Variants in ANO2 observed in about 807,000 individuals in gnomAD.
ANO2 encodes anoctamin-2.
Under a neutral mutation model 124.2 loss-of-function variants are expected in ANO2, and 101 were observed. The ratio of observed to expected loss-of-function variants is 0.81; its 90% CI spans 0.69 to 0.96. The LOEUF is 0.96. Among genes scored for constraint, ANO2 ranks in the 40% least tolerant of loss-of-function variants. The probability of loss-of-function intolerance (pLI) is 0.00; values close to 1 mark genes in which losing one functional copy is unlikely to be tolerated. For synonymous variants in ANO2, 486 were observed against 482.5 expected (o/e 1.01, Z -0.09); for missense variants, 1,293 against 1,274.5 (o/e 1.01, Z -0.22).
chr12:5,653,236 C>G (rs371607), intron 14 of ANO2, among the ~76,000 whole-genome samples: 1 of 151,602 alleles, frequency 6.6e-6, no homozygotes, highest in Non-Finnish European at 1.5e-5. Context: ...ACTTCATTAT[C>G]ATCATCTGCC....
intron 14 of ANO2, among the ~76,000 whole-genome samples, chr12:5,692,382 TTAAG>T (rs950705560): frequency 1.3e-5 from 2 of 152,156 alleles, no homozygotes; most frequent in African/African-American, 4.8e-5. Flanking sequence ...TTGGATGAAC[TTAAG>T]TAAGATACTT....
chr12:5,739,170 T>C, intron 13 of ANO2, 147 bp downstream of exon 13: 1 of 797,362 alleles, frequency 1.3e-6, no homozygotes, highest in Non-Finnish European at 2.1e-6. Flanking sequence ...CCCAAGTCCA[T>C]GGAGCCAAGC....
At chr12:5,759,384 T>C (rs1217765240) in intron 10 of ANO2, among the ~76,000 whole-genome samples, 1 of 151,912 alleles carries the variant, frequency 6.6e-6, no homozygotes, top group African/African-American at 2.4e-5. Context: ...TGGCAGAAAC[T>C]ATGCAAGCCA....
intron 3 of ANO2, among the ~76,000 whole-genome samples, chr12:5,868,073 T>C (rs1436144371): frequency 1.3e-5 from 2 of 152,206 alleles, no homozygotes; most frequent in East Asian, 1.9e-4. Flanking sequence ...AATTGGATTG[T>C]TTGTTACACA....
intron 16 of ANO2, among the ~76,000 whole-genome samples, chr12:5,616,328 T>G (rs988235363): frequency 2.0e-5 from 3 of 152,202 alleles, no homozygotes; most frequent in African/African-American, 7.2e-5. Flanking sequence ...TGTCCTCTCA[T>G]GGTCAAGGGG....
chr12:5,858,626 AAGG>A (rs1415697538), intron 3 of ANO2: 1 of 152,224 alleles, frequency 6.6e-6, no homozygotes, highest in East Asian at 1.9e-4. Context: ...TTATCTGAAT[AAGG>A]AGGATGAGAA....
chr12:5,652,472 T>C (rs948133333), intron 14 of ANO2, among the ~76,000 whole-genome samples: 9 of 152,206 alleles, frequency 5.9e-5, no homozygotes, highest in Non-Finnish European at 1.3e-4. Flanking sequence ...TTTAATAATG[T>C]ACCATTTATA....
chr12:5,599,536 T>TAG lies in ANO2; in HGVS notation c.2179_2180dup (p.Asp728Ter), dbSNP rs1385397242. ...CTGTGTATGGTTCCAAGCTGTAGTC[T>TAG]AGGTCCCACTGCTCTGGATGTTTCG... On this transcript the variant is annotated frameshift_variant, in exon 20 of 25. Coordinates refer to ENST00000682330, the MANE Select transcript of ANO2 (RefSeq NM_001364791.2). LOFTEE classifies it high-confidence loss of function. 1.2e-6 allele frequency: 2 copies of TAG among 1,613,914 alleles called. No individual in the cohort carries two copies. Among genetic ancestry groups the TAG allele is most frequent in the Non-Finnish European group, 1.7e-6 (2 of 1,179,852 alleles).
At chr12:5,571,323 G>A (rs374900859) in intron 23 of ANO2, among the ~76,000 whole-genome samples, 10 of 152,192 alleles carry the variant, frequency 6.6e-5, no homozygotes, top group African/African-American at 2.2e-4. Flanking sequence ...GACTGTTTAC[G>A]GAGCAGCCCT....
Position 5,758,680 on chromosome 12 carries a change from T to C in ANO2, c.1056-7710A>G, listed in dbSNP as rs1228904048. On this transcript the variant is annotated intron_variant, in intron 10 of 24. Transcript: ENST00000682330. ...ATCTGAAGTTTGTAGTGCAGTGCAC[T>C]GAAGGTGACTCTTGCAACAACAAAA... 2.0e-5 allele frequency among the ~76,000 whole-genome samples: 3 copies of C among 152,294 alleles called. No individual in the cohort carries two copies. The East Asian group carries it at 5.8e-4, about 29-fold the overall frequency.
intron 14 of ANO2, among the ~76,000 whole-genome samples, chr12:5,730,415 A>G (rs1337341037): frequency 6.6e-6 from 1 of 152,248 alleles, no homozygotes; most frequent in Non-Finnish European, 1.5e-5. Flanking sequence ...TCTGGGCCTC[A>G]GTAAATGGTA....
At chr12:5,811,586 T>C (rs1482355537) in intron 7 of ANO2, among the ~76,000 whole-genome samples, 3 of 152,162 alleles carry the variant, frequency 2.0e-5, no homozygotes, top group Non-Finnish European at 4.4e-5. Flanking sequence ...TTTCTGTCCA[T>C]AAAAAAGCAA....
rs752088410 is a variant in ANO2, at chr12:5,769,723, C to A, written c.1056-18753G>T. Among the ~76,000 whole-genome samples the A allele has an allele frequency of 6.6e-6, 1 of 152,146 alleles. No individual in the cohort carries two copies. The highest frequency in any genetic ancestry group is 2.1e-4 in the South Asian group (1 of 4,828). On this transcript the variant is annotated intron_variant, in intron 10 of 24. Coordinates refer to ENST00000682330, the MANE Select transcript of ANO2 (RefSeq NM_001364791.2). The surrounding 1 kb of genome is among the most constrained non-coding windows in gnomAD (Gnocchi z 4.0). ...GTAAAATAAAATCGCTCCATTTCTG[C>A]GTGCACCCTTCATTCTAGGTACTCT... is the stretch of plus-strand genomic sequence containing the variant.
At chr12:5,939,862 A>G (rs762607384) in intron 1 of ANO2, among the ~76,000 whole-genome samples, 3 of 152,224 alleles carry the variant, frequency 2.0e-5, no homozygotes, top group Non-Finnish European at 2.9e-5. Flanking sequence ...AGAGGAGAAC[A>G]TGGATTTTGG....
At chr12:5,725,325 A>T (rs918783789) in intron 14 of ANO2, among the ~76,000 whole-genome samples, 3 of 152,004 alleles carry the variant, frequency 2.0e-5, no homozygotes, top group Non-Finnish European at 2.9e-5. Context: ...CTTCTTGTCA[A>T]ATTTTTATTT....
chr12:5,577,765 C>A (rs1202038933), intron 22 of ANO2, among the ~76,000 whole-genome samples, 190 bp downstream of exon 22: 2 of 152,196 alleles, frequency 1.3e-5, no homozygotes, highest in African/African-American at 4.8e-5. Flanking sequence ...TAAAATTAAA[C>A]CTACACAGCC....
At chr12:5,686,947 G>A (rs770961786) in intron 14 of ANO2, among the ~76,000 whole-genome samples, 1 of 152,234 alleles carries the variant, frequency 6.6e-6, no homozygotes, top group Admixed American at 6.5e-5. Context: ...GACAGCAAAG[G>A]TGAAAGATCT....
intron 3 of ANO2, among the ~76,000 whole-genome samples, chr12:5,869,052 C>T (rs1443611985): frequency 2.0e-5 from 3 of 152,086 alleles, no homozygotes; most frequent in African/African-American, 7.2e-5. Context: ...GGGCTTGGAG[C>T]AGATGGAAGA....
At chr12:5,909,963 C>G (rs953557938) in intron 3 of ANO2, among the ~76,000 whole-genome samples, 1 of 151,988 alleles carries the variant, frequency 6.6e-6, no homozygotes. Context: ...AATAATTATC[C>G]GAGGCAACAA....
Sources: allele counts gnomAD v4.1 joint callset (sites outside exome capture counted in the v4.1 genomes callset), GRCh38; gene constraint gnomAD v4.1.1; non-coding constraint Gnocchi (gnomAD v3.1); transcripts MANE v1.5; gene names NCBI Gene and HGNC (gene_info 2026-07-23, HGNC 2026-07-21).